ZFHX3: variants seen among roughly 807,000 people sequenced by gnomAD.
ZFHX3 encodes zinc finger homeobox protein 3.
A neutral mutation model predicts 279.1 loss-of-function variants in ZFHX3; 42 were observed. That is an observed-to-expected ratio of 0.15 (90% CI 0.12 to 0.19). The LOEUF is 0.19. Ranked by LOEUF, ZFHX3 falls within the 10% of genes least tolerant of loss-of-function variation. ZFHX3 has a pLI of 1.00. For missense variants in ZFHX3, 4,981 were observed against 4,754.0 expected, an observed-to-expected ratio of 1.05 and a Z score of -1.40; for synonymous variants, 2,293 against 1,957.8, an observed-to-expected ratio of 1.17 and a Z score of -4.52.
intron 1 of ZFHX3, among the ~76,000 whole-genome samples, chr16:73,741,856 G>A (rs1027890684): frequency 1.3e-5 from 2 of 152,202 alleles, no homozygotes; most frequent in African/African-American, 4.8e-5. Flanking sequence ...ATGCAAAACA[G>A]AATGTAGTCT....
At chr16:73,783,676 A>T (rs1959546728) in intron 1 of ZFHX3, among the ~76,000 whole-genome samples, 1 of 152,210 alleles carries the variant, frequency 6.6e-6, no homozygotes, top group South Asian at 2.1e-4. Context: ...TGCAAATTAT[A>T]ACCACAGCTA....
At chr16:72,823,617 A>T (rs951364244) in intron 5 of ZFHX3, among the ~76,000 whole-genome samples, 1 of 152,238 alleles carries the variant, frequency 6.6e-6, no homozygotes, top group South Asian at 2.1e-4. Flanking sequence ...TCCAGGGTAT[A>T]TTAACTAGCC....
chr16:72,814,937 A>G (rs966605153), intron 5 of ZFHX3, among the ~76,000 whole-genome samples: 1 of 152,194 alleles, frequency 6.6e-6, no homozygotes, highest in African/African-American at 2.4e-5. Context: ...AACAGATTCT[A>G]TAAACACCCA....
At chr16:73,118,400 G>A (rs1966457111) in intron 7 of ZFHX3, among the ~76,000 whole-genome samples, 1 of 151,912 alleles carries the variant, frequency 6.6e-6, no homozygotes, top group Non-Finnish European at 1.5e-5. Flanking sequence ...GTAGAGATGG[G>A]GTTTCATCAT....
chr16:72,784,140 C>CAATCT lies in ZFHX3; in HGVS notation c.*3019_*3023dup, dbSNP rs1403903799. The CAATCT allele has an allele frequency of 2.6e-5, 4 of 152,558 alleles. No homozygotes were observed. The highest frequency in any genetic ancestry group is 4.2e-4 in the South Asian group (2 of 4,808). 9.5% of individuals were successfully genotyped at this position (152,558 alleles called of 1,614,324 possible). On this transcript the variant is annotated 3_prime_UTR_variant, in exon 10 of 10. Transcript: ENST00000268489. ...CTAGGTGGGTGGAAGTGTGCTCAGCCAATCTATTCAACCACCTTATTGTCG... is the reference window on the plus strand; with the variant it reads ...CTAGGTGGGTGGAAGTGTGCTCAGCCAATCTAATCTATTCAACCACCTTATTGTCG...
chr16:73,215,343 C>G (rs555633100), intron 5 of ZFHX3, among the ~76,000 whole-genome samples: 2 of 152,320 alleles, frequency 1.3e-5, no homozygotes, highest in East Asian at 1.9e-4. Context: ...TTCTCCACCC[C>G]TTCCATGCAG....
At chr16:72,981,082 T>C (rs1332502714) in intron 1 of ZFHX3, among the ~76,000 whole-genome samples, 1 of 152,060 alleles carries the variant, frequency 6.6e-6, no homozygotes, top group Non-Finnish European at 1.5e-5. Context: ...TTCAAAGAAA[T>C]GTGGGTTTCT....
At chr16:73,561,969 A>T (rs549473266) in intron 2 of ZFHX3, among the ~76,000 whole-genome samples, 2 of 152,326 alleles carry the variant, frequency 1.3e-5, no homozygotes, top group South Asian at 2.1e-4. Flanking sequence ...ACTTGGGAAG[A>T]AAGTGCTGAA....
At chr16:73,443,493 G>C (rs533031021) in intron 3 of ZFHX3, among the ~76,000 whole-genome samples, 32 of 152,204 alleles carry the variant, frequency 2.1e-4, no homozygotes, top group Admixed American at 7.2e-4. Flanking sequence ...AGATCCCTTG[G>C]AGATCCACGG....
At chr16:73,095,086 T>C (rs1177308272) in intron 7 of ZFHX3, among the ~76,000 whole-genome samples, 1 of 152,000 alleles carries the variant, frequency 6.6e-6, no homozygotes, top group Non-Finnish European at 1.5e-5. Context: ...TGCTTATCTT[T>C]TTTTACTTTT....
At chr16:72,843,241 T>G (rs1434357739) in intron 4 of ZFHX3, among the ~76,000 whole-genome samples, 1 of 151,884 alleles carries the variant, frequency 6.6e-6, no homozygotes, top group Non-Finnish European at 1.5e-5. Context: ...CCAGGCACAG[T>G]GGCTCACACC....
intron 8 of ZFHX3, among the ~76,000 whole-genome samples, chr16:73,076,872 T>C (rs539947124): frequency 4.9e-4 from 74 of 150,208 alleles, no homozygotes; most frequent in African/African-American, 1.6e-3. Context: ...AATATGTGTG[T>C]GTGTATATAT....
chr16:73,153,582 A>G (rs1320005956), intron 5 of ZFHX3, among the ~76,000 whole-genome samples: 1 of 152,202 alleles, frequency 6.6e-6, no homozygotes, highest in Non-Finnish European at 1.5e-5. Context: ...TCTGGTCACC[A>G]TTACGGGCTT....
intron 2 of ZFHX3, among the ~76,000 whole-genome samples, chr16:73,546,863 A>C (rs1419274297): frequency 6.6e-6 from 1 of 151,864 alleles, no homozygotes; most frequent in Non-Finnish European, 1.5e-5. Context: ...TGTGATTCAC[A>C]TGTTTTATTT....
At position 72,950,942 on chromosome 16, in the gene ZFHX3, T is replaced by G. The variant is rs1170956577; in HGVS notation, c.2743A>C (p.Met915Leu). 1 of 1,613,170 alleles carries G rather than the reference T, an allele frequency of 6.2e-7. No homozygotes were observed. Among genetic ancestry groups the G allele is most frequent in the South Asian group, 1.1e-5 (1 of 91,056 alleles). Residue 915 changes from methionine (M) to leucine (L), a missense_variant, in exon 3 of 10, where the codon ATG (methionine) becomes CTG (leucine). This residue lies in a region of ZFHX3 where 1,751 missense variants were observed against 1,770.0 expected (regional missense o/e 0.99). Transcript: ENST00000268489. ...ACCAGCTGCCCGCCCCCGAGCCGCA[T>G]GTCTAGGGGGATCTCACCGCCCACT... ...ALVGGEIPLD[M>L]RLGGGQLVSE... is the part of the protein sequence containing the mutation.
In ZFHX3 at chr16:72,788,098, T is replaced by TGCTGCA. The variant is rs1244276059; in HGVS notation, c.10172_10177dup (p.Gln3392_Gln3393insLeuGln). The TGCTGCA allele has an allele frequency of 2.2e-5, 35 of 1,608,648 alleles. 1 individual carries two copies. In the Admixed American group the frequency reaches 5.8e-4, roughly 27 times the overall value. On this transcript the variant is annotated inframe_insertion, in exon 10 of 10. Coordinates refer to ENST00000268489, the MANE Select transcript of ZFHX3 (RefSeq NM_006885.4). Reference sequence around the variant, plus strand: ...GGTTTGGCTTGCTTTGGGCTGCTGCTGCTGCACTTTTTGCTGCTGCTGCTG... The same window carrying TGCTGCA: ...GGTTTGGCTTGCTTTGGGCTGCTGCTGCTGCAGCTGCACTTTTTGCTGCTGCTGCTG...
chr16:73,786,804 G>A (rs549394724), intron 1 of ZFHX3, among the ~76,000 whole-genome samples: 6 of 152,142 alleles, frequency 3.9e-5, no homozygotes, highest in South Asian at 2.1e-4. Flanking sequence ...CCAGAGGATC[G>A]ACTGTCTTTT....
At chr16:73,456,018 A>C (rs1052900767) in exon 3 of ZFHX3, 2 of 152,130 alleles carry the variant, frequency 1.3e-5, no homozygotes, top group Non-Finnish European at 2.9e-5. Flanking sequence ...AAGAACTGTG[A>C]TTCAGACTCC....
intron 3 of ZFHX3, among the ~76,000 whole-genome samples, chr16:73,349,284 C>T (rs1309436385): frequency 6.6e-6 from 1 of 152,178 alleles, no homozygotes; most frequent in Non-Finnish European, 1.5e-5. Context: ...CATCCTCACA[C>T]CCTTCCCCTG....
Sources: gnomAD v4.1 joint callset for allele counts (sites outside exome capture counted in the v4.1 genomes callset) on GRCh38, gnomAD v4.1.1 for gene constraint, gnomAD v4.1.1 regional missense constraint, MANE v1.5 for transcripts, NCBI Gene and HGNC (gene_info 2026-07-23, HGNC 2026-07-21) for gene names.